The following OSBP variants were observed in gnomAD, a reference collection of about 807,000 sequenced individuals.
OSBP encodes oxysterol-binding protein 1.
A neutral mutation model predicts 96.6 loss-of-function variants in OSBP; 32 were observed. That is an observed-to-expected ratio of 0.33 (90% CI 0.25 to 0.45). The LOEUF is 0.45. Among genes scored for constraint, OSBP ranks in the 20% least tolerant of loss-of-function variants. The pLI is 1.00. For missense variants in OSBP, 653 were observed against 1,029.7 expected (o/e 0.63, Z 5.01); for synonymous variants, 369 against 389.6 (o/e 0.95, Z 0.62).
chr11:59,598,748 C>A (rs529323973), intron 7 of OSBP, among the ~76,000 whole-genome samples: 1 of 152,132 alleles, frequency 6.6e-6, no homozygotes, highest in Non-Finnish European at 1.5e-5. Flanking sequence ...CACCACCACA[C>A]CCGTTTAACT....
At chr11:59,580,845 A>C (rs1353790375) in intron 10 of OSBP, among the ~76,000 whole-genome samples, 1 of 152,068 alleles carries the variant, frequency 6.6e-6, no homozygotes, top group Non-Finnish European at 1.5e-5. Context: ...CTATCTTCTA[A>C]ATCCCAAACC....
chr11:59,600,032 A>G (rs983254289), intron 7 of OSBP, among the ~76,000 whole-genome samples: 1 of 152,160 alleles, frequency 6.6e-6, no homozygotes, highest in Non-Finnish European at 1.5e-5. Flanking sequence ...GGTCAGCCCA[A>G]ACACCATCTT....
intron 3 of OSBP, among the ~76,000 whole-genome samples, chr11:59,606,542 G>A (rs543801895): frequency 6.6e-6 from 1 of 152,198 alleles, no homozygotes; most frequent in Admixed American, 6.5e-5. Flanking sequence ...AAGTGGGGAG[G>A]AAGAGAACCA....
At chr11:59,595,689 T>A (rs1037240183) in intron 7 of OSBP, among the ~76,000 whole-genome samples, 1 of 151,926 alleles carries the variant, frequency 6.6e-6, no homozygotes, top group Admixed American at 6.6e-5. Flanking sequence ...CTTACAATCC[T>A]AGCACTTTGA....
chr11:59,593,440 A>G (rs1565117176), intron 9 of OSBP, 164 bp downstream of exon 9: 5 of 673,278 alleles, frequency 7.4e-6, no homozygotes, highest in Non-Finnish European at 1.0e-5. Flanking sequence ...CTCCACACTC[A>G]TTTGATAGCT....
Position 59,576,468 on chromosome 11 carries a change from G to A in OSBP, c.*109C>T. The A allele has an allele frequency of 8.1e-7, 1 of 1,241,078 alleles. No individual in the cohort carries two copies. The highest frequency in any genetic ancestry group is 1.1e-6 in the Non-Finnish European group (1 of 889,012). The allele number at this position is 1,241,078 out of a possible 1,614,324, so 76.9% of individuals were successfully genotyped here. ...ATTTGGAAAAAATGATTGGTCAAGA[G>A]AGACAAACTTGAGGAAAGCACTTGG... On this transcript the variant is annotated 3_prime_UTR_variant, in exon 14 of 14. Transcript: ENST00000263847.
In OSBP at chr11:59,588,393, G is replaced by A. The variant is rs551700047; in HGVS notation, c.1678+5211C>T. ...TACTAAAACAACACAAAAATTAGCC[G>A]GGTGTGGAGGCGGGTACCTGTGATC... On this transcript the variant is annotated intron_variant, in intron 9 of 13. Coordinates refer to ENST00000263847, the MANE Select transcript of OSBP (RefSeq NM_002556.3). 1.2e-4 allele frequency among the ~76,000 whole-genome samples: 19 copies of A among 152,004 alleles called. No homozygotes were observed. In the South Asian group the frequency reaches 3.7e-3, roughly 30 times the overall value.
chr11:59,598,296 A>G (rs1392062224), intron 7 of OSBP, among the ~76,000 whole-genome samples: 1 of 152,224 alleles, frequency 6.6e-6, no homozygotes, highest in Non-Finnish European at 1.5e-5. Context: ...AACGCAGTCT[A>G]TGAAGAGGCA....
chr11:59,611,104 C>A (rs892868778), intron 1 of OSBP, among the ~76,000 whole-genome samples: 1 of 132,506 alleles, frequency 7.5e-6, no homozygotes, highest in Admixed American at 8.7e-5. Context: ...TATTGCACTC[C>A]AGCTTGGGCA....
rs750280760 is a variant in OSBP, at chr11:59,576,685, A to G, written c.2316T>C (p.Phe772=). Residue 772 remains phenylalanine, a synonymous_variant, in exon 14 of 14, where the codon TTT becomes TTC. Transcript: ENST00000263847. ...TPYDPYKALW[F]ERKKDPVTKE... is the part of the protein sequence containing the mutation. ...TGGTAACAGGGTCCTTCTTCCGCTCAAACCACAGTGCCTTATAGGGATCAT... is the reference window on the plus strand; with the variant it reads ...TGGTAACAGGGTCCTTCTTCCGCTCGAACCACAGTGCCTTATAGGGATCAT... The G allele has an allele frequency of 1.9e-6, 3 of 1,614,182 alleles. No homozygotes were observed. The Admixed American group carries it at 5.0e-5, about 27-fold the overall frequency.
intron 7 of OSBP, chr11:59,595,135 C>T (rs1291978762): frequency 6.5e-6 from 1 of 153,604 alleles, no homozygotes; most frequent in Non-Finnish European, 1.5e-5. Flanking sequence ...TGCTCCCCAC[C>T]CTTCTACTCC....
intron 3 of OSBP, among the ~76,000 whole-genome samples, chr11:59,602,613 A>G (rs905615036): frequency 6.6e-6 from 1 of 152,118 alleles, no homozygotes; most frequent in Non-Finnish European, 1.5e-5. Context: ...TGCACCCTAC[A>G]ATGCAGCCAC....
chr11:59,606,777 T>C (rs1352674815), intron 3 of OSBP, among the ~76,000 whole-genome samples: 1 of 152,248 alleles, frequency 6.6e-6, no homozygotes, highest in African/African-American at 2.4e-5. Context: ...CATGTTAATT[T>C]TTAACACGTG....
At chr11:59,577,651 T>C (rs887153409) in intron 12 of OSBP, among the ~76,000 whole-genome samples, 4 of 152,116 alleles carry the variant, frequency 2.6e-5, no homozygotes, top group Admixed American at 2.0e-4. Context: ...CACCACCATA[T>C]GTGGCTAATT....
In OSBP at chr11:59,601,712, G is replaced by A. The variant is rs1420946983; in HGVS notation, c.949C>T (p.His317Tyr). The A allele has an allele frequency of 2.5e-6, 4 of 1,613,946 alleles. No homozygotes were observed. Among genetic ancestry groups the A allele is most frequent in the Non-Finnish European group, 3.4e-6 (4 of 1,180,032 alleles). ...GCTCCTCGGAAGGCCCTCTCCAGGTGATTATGCTGCTTCGCCAGCTGCTCG... is the reference window on the plus strand; with the variant it reads ...GCTCCTCGGAAGGCCCTCTCCAGGTAATTATGCTGCTTCGCCAGCTGCTCG... ...TLEQLAKQHN[H>Y]LERAFRGATV... Residue 317 changes from histidine (H) to tyrosine (Y), a missense_variant, in exon 4 of 14, where the codon CAC (histidine) becomes TAC (tyrosine). His to Tyr is a moderately conservative substitution (Grantham distance 83). Around this residue, in one of 6 missense-constraint regions of OSBP, gnomAD observed 308 missense variants for 573.1 expected, o/e 0.54. Coordinates refer to ENST00000263847, the MANE Select transcript of OSBP (RefSeq NM_002556.3).
intron 9 of OSBP, among the ~76,000 whole-genome samples, chr11:59,591,652 C>T (rs1860583012): frequency 7.0e-6 from 1 of 143,174 alleles, no homozygotes; most frequent in Non-Finnish European, 1.5e-5. Flanking sequence ...AGGAGTTCTG[C>T]TCTTGTCGCC....
At chr11:59,609,216 A>C (rs954530748) in intron 2 of OSBP, among the ~76,000 whole-genome samples, 2 of 152,236 alleles carry the variant, frequency 1.3e-5, no homozygotes, top group African/African-American at 4.8e-5. Flanking sequence ...ACCTGTATTA[A>C]ATGAGTTGAG....
chr11:59,591,758 T>C (rs1860584980), intron 9 of OSBP, among the ~76,000 whole-genome samples: 1 of 151,954 alleles, frequency 6.6e-6, no homozygotes, highest in Non-Finnish European at 1.5e-5. Context: ...GTAGCTGGGA[T>C]TACAGGCACC....
chr11:59,574,526 A>C lies in OSBP; in HGVS notation c.*2051T>G, dbSNP rs1860338110. 1 of 152,522 alleles carries C rather than the reference A, an allele frequency of 6.6e-6. No homozygotes were observed. The highest frequency in any genetic ancestry group is 1.5e-5 in the Non-Finnish European group (1 of 68,022). The allele number at this position is 152,522 out of a possible 1,614,324, so 9.4% of individuals were successfully genotyped here. On this transcript the variant is annotated 3_prime_UTR_variant, in exon 14 of 14. Transcript: ENST00000263847. ...GACTTTATTCCACCTGAAAGATTCT[A>C]AACTTCTTCCATTAGCGGGAATCTG...
Sources: allele counts gnomAD v4.1 joint callset (sites outside exome capture counted in the v4.1 genomes callset), GRCh38; gene constraint gnomAD v4.1.1; regional missense constraint gnomAD v4.1.1; transcripts MANE v1.5; gene names NCBI Gene and HGNC (gene_info 2026-07-23, HGNC 2026-07-21).